Variants in NCOA6 observed in about 807,000 individuals in gnomAD.
The protein encoded by NCOA6 is NRC RAP250.
NCOA6 carries 49 observed loss-of-function variants against 171.4 expected under a neutral mutation model. The observed-to-expected ratio is 0.29, with a 90% CI of 0.23 to 0.36. NCOA6 has a LOEUF of 0.36. Ranked by LOEUF, NCOA6 falls within the 10% of genes least tolerant of loss-of-function variation. The pLI, the probability that NCOA6 is intolerant of heterozygous loss-of-function variation, is 1.00. For synonymous variants in NCOA6, 910 were observed against 927.5 expected, an observed-to-expected ratio of 0.98 and a Z score of 0.34; for missense variants, 2,248 against 2,554.5, an observed-to-expected ratio of 0.88 and a Z score of 2.59.
intron 2 of NCOA6, among the ~76,000 whole-genome samples, chr20:34,786,174 G>C (rs1207949329): frequency 6.6e-6 from 1 of 152,058 alleles, no homozygotes; most frequent in African/African-American, 2.4e-5. Flanking sequence ...TATTTCTGTG[G>C]GGTCAGTGGT....
In NCOA6 at chr20:34,740,601, A is replaced by G; in HGVS notation, c.5655T>C (p.Thr1885=). Residue 1885 remains threonine (T), a synonymous_variant, in exon 11 of 15, where the codon ACT becomes ACC. Transcript: ENST00000359003. The part of the protein sequence containing the change: ...DSKTPTPPAP[T]LLKMTSSPVG... ...CAGGGCTAGAGGTCATTTTTAGCAG[A>G]GTGGGTGCTGGGGGCGTTGGGGTTT... 6.2e-7 allele frequency: 1 copy of G among 1,614,100 alleles called. No homozygotes were observed. Among genetic ancestry groups the G allele is most frequent in the Non-Finnish European group, 8.5e-7 (1 of 1,180,016 alleles).
rs1568751436 is a variant in NCOA6 at position 34,742,866 on chromosome 20, G to A, written c.3390C>T (p.Ala1130=). The A allele has an allele frequency of 1.9e-6, 3 of 1,614,202 alleles. No homozygotes were observed. The highest frequency in any genetic ancestry group is 2.5e-6 in the Non-Finnish European group (3 of 1,180,026). Residue 1130 remains alanine (A), a synonymous_variant, in exon 11 of 15, where the codon GCC becomes GCT. Transcript: ENST00000359003. ...NPSSSPLAEM[A]SLPEASGSEA... is the part of the protein sequence containing the mutation. ...CACTGCCACTTGCTTCAGGGAGTGA[G>A]GCCATCTCCGCCAGTGGCGAGCTGG...
At chr20:34,764,156 C>G (rs559165189) in intron 5 of NCOA6, among the ~76,000 whole-genome samples, 1 of 151,194 alleles carries the variant, frequency 6.6e-6, no homozygotes, top group Non-Finnish European at 1.5e-5. Context: ...GGCGCGATCT[C>G]GGCTCACTGC....
rs898790550 is a variant in NCOA6 at position 34,782,369 on chromosome 20, C to G, written c.-14G>C. 1.3e-6 allele frequency: 2 copies of G among 1,520,622 alleles called. No individual in the cohort carries two copies. Among genetic ancestry groups the G allele is most frequent in the African/African-American group, 2.8e-5 (2 of 72,586 alleles). 94.2% of individuals were successfully genotyped at this position (1,520,622 alleles called of 1,614,324 possible). On this transcript the variant is annotated 5_prime_UTR_variant, in exon 3 of 15. Coordinates refer to ENST00000359003, the MANE Select transcript of NCOA6 (RefSeq NM_014071.5). ...ATCCAAAACCATGGTGAATATTATT[C>G]CAGAAGCATATGCCAAGAGGACAAT... is the stretch of plus-strand genomic sequence containing the variant.
intron 1 of NCOA6, among the ~76,000 whole-genome samples, chr20:34,810,464 G>T (rs1282024039): frequency 6.6e-6 from 1 of 151,968 alleles, no homozygotes; most frequent in Non-Finnish European, 1.5e-5. Flanking sequence ...CATGTCCTGG[G>T]TTCATAACTG....
At chr20:34,801,226 T>G (rs2078243986) in intron 1 of NCOA6, among the ~76,000 whole-genome samples, 1 of 152,172 alleles carries the variant, frequency 6.6e-6, no homozygotes, top group African/African-American at 2.4e-5. Context: ...GAGGGAAGTT[T>G]ATGGCTATAG....
At chr20:34,776,647 T>C (rs1405041595) in intron 3 of NCOA6, 199 bp from the exon 4 acceptor site, 5 of 691,278 alleles carry the variant, frequency 7.2e-6, no homozygotes, top group South Asian at 6.2e-5. Context: ...ATGAACGAGC[T>C]ATTTAACCTT....
intron 2 of NCOA6, among the ~76,000 whole-genome samples, chr20:34,791,052 A>C (rs1207795197): frequency 6.6e-6 from 1 of 152,166 alleles, no homozygotes. Context: ...GGGACATCTT[A>C]ATGGTTATGA....
chr20:34,787,028 C>T (rs938980457), intron 2 of NCOA6, among the ~76,000 whole-genome samples: 5 of 151,588 alleles, frequency 3.3e-5, no homozygotes, highest in African/African-American at 1.2e-4. Context: ...TCGGAGTGAA[C>T]AGACAACCTA....
intron 3 of NCOA6, 113 bp from the exon 4 acceptor site, chr20:34,776,561 T>C (rs1377167879): frequency 2.1e-5 from 25 of 1,217,286 alleles, no homozygotes; most frequent in East Asian, 5.0e-5. Flanking sequence ...CAGCTTGGAA[T>C]AGCTAACAGA....
chr20:34,743,633 G>A (rs1197360950), intron 10 of NCOA6, among the ~76,000 whole-genome samples: 1 of 152,194 alleles, frequency 6.6e-6, no homozygotes, highest in Non-Finnish European at 1.5e-5. Context: ...GCTATGCACT[G>A]AAAATGGCTG....
intron 13 of NCOA6, among the ~76,000 whole-genome samples, chr20:34,728,281 C>A (rs1568717150): frequency 2.6e-5 from 4 of 152,248 alleles, no homozygotes; most frequent in South Asian, 4.1e-4. Context: ...ATTGTCCACA[C>A]CCCAACCCCC....
chr20:34,761,103 T>A (rs2076803870), intron 5 of NCOA6, among the ~76,000 whole-genome samples: 1 of 152,170 alleles, frequency 6.6e-6, no homozygotes, highest in Admixed American at 6.5e-5. Context: ...GCGCCTGTAA[T>A]CCCAGCTACT....
intron 14 of NCOA6, among the ~76,000 whole-genome samples, chr20:34,716,404 T>C (rs1988606869): frequency 6.6e-6 from 1 of 152,180 alleles, no homozygotes; most frequent in South Asian, 2.1e-4. Flanking sequence ...TTAGTTTCTC[T>C]TGTACTATCA....
At position 34,740,691 on chromosome 20, in the gene NCOA6, T is replaced by C. The variant is rs772189901; in HGVS notation, c.5565A>G (p.Gln1855=). 324 of 1,614,112 alleles carry C rather than the reference T, an allele frequency of 2.0e-4. No homozygotes were observed. The Admixed American group carries it at 5.2e-3, about 26-fold the overall frequency. ...QYGADGETEG[Q]GLDTTAPGLM... ...GCCCCGGAGCTGTGGTGTCTAGCCCTTGGCCTTCAGTCTCTCCATCTGCAC... is the reference window on the plus strand; with the variant it reads ...GCCCCGGAGCTGTGGTGTCTAGCCCCTGGCCTTCAGTCTCTCCATCTGCAC... The change falls in exon 11 of 15, where the codon CAA becomes CAG. Residue 1855 remains glutamine, a synonymous_variant. Transcript: ENST00000359003.
At chr20:34,733,894 C>T (rs892329069) in intron 12 of NCOA6, among the ~76,000 whole-genome samples, 17 of 138,852 alleles carry the variant, frequency 1.2e-4, no homozygotes, top group Non-Finnish European at 2.0e-4. Context: ...GGAATCTTTG[C>T]TTCTCATTGC....
chr20:34,806,466 T>C (rs2078454866), intron 1 of NCOA6, among the ~76,000 whole-genome samples: 1 of 152,250 alleles, frequency 6.6e-6, no homozygotes, highest in African/African-American at 2.4e-5. Flanking sequence ...GTCTTATCTA[T>C]AAAACCTTTG....
intron 1 of NCOA6, among the ~76,000 whole-genome samples, chr20:34,802,299 T>A (rs1218163330): frequency 6.6e-6 from 1 of 152,014 alleles, no homozygotes; most frequent in Non-Finnish European, 1.5e-5. Context: ...AAACCTCATC[T>A]CCACTAAAAA....
At chr20:34,718,946 C>G (rs1292153407) in intron 14 of NCOA6, among the ~76,000 whole-genome samples, 5 of 152,190 alleles carry the variant, frequency 3.3e-5, no homozygotes, top group African/African-American at 1.2e-4. Flanking sequence ...AGTTTTTTAA[C>G]TATCAGGGAT....
Sources: gnomAD v4.1 joint callset for allele counts (sites outside exome capture counted in the v4.1 genomes callset) on GRCh38, gnomAD v4.1.1 for gene constraint, MANE v1.5 for transcripts, NCBI Gene and HGNC (gene_info 2026-07-23, HGNC 2026-07-21) for gene names.